Variants in ECM2 observed in about 807,000 individuals in gnomAD.
ECM2 encodes the protein extracellular matrix protein 2, also known as extracellular matrix protein 2, female organ and adipocyte specific.
A neutral mutation model predicts 67.5 loss-of-function variants in ECM2; 57 were observed. The ratio of observed to expected loss-of-function variants is 0.84; its 90% CI spans 0.68 to 1.05. The LOEUF is 1.05. ECM2 is among the 50% of genes least tolerant of loss of function. The pLI, the probability that ECM2 is intolerant of heterozygous loss-of-function variation, is 0.00. For synonymous variants in ECM2, 258 were observed against 294.5 expected, an observed-to-expected ratio of 0.88 and a Z score of 1.27; for missense variants, 741 against 822.8, an observed-to-expected ratio of 0.90 and a Z score of 1.22.
intron 8 of ECM2, among the ~76,000 whole-genome samples, chr9:92,501,952 T>C (rs573976857): frequency 2.0e-5 from 3 of 152,262 alleles, no homozygotes; most frequent in Non-Finnish European, 2.9e-5. Flanking sequence ...AGGCCAAGCA[T>C]TCTTCAGTCT....
chr9:92,514,732 C>T lies in ECM2; in HGVS notation c.953G>A (p.Ser318Asn). 6 of 1,613,546 alleles carry T rather than the reference C, an allele frequency of 3.7e-6. No homozygotes were observed. In the East Asian group the frequency reaches 1.3e-4, roughly 36 times the overall value. ...APPRGTLRLP[S>N]GCSLSYRTIS... ...GGTCCTGTAGGACAGAGAGCACCCGCTTGGCAGGCGCAGTGTGCCTCTGGG... is the reference window on the plus strand; with the variant it reads ...GGTCCTGTAGGACAGAGAGCACCCGTTTGGCAGGCGCAGTGTGCCTCTGGG... The change falls in exon 4 of 10, where the codon AGC (serine) becomes AAC (asparagine). Residue 318 changes from serine to asparagine, a missense_variant. Physicochemically the swap from Ser to Asn is conservative, Grantham distance 46. Coordinates refer to ENST00000344604, the MANE Select transcript of ECM2 (RefSeq NM_001393.4).
At chr9:92,525,886 C>CT (rs1201810226) in intron 1 of ECM2, among the ~76,000 whole-genome samples, 3 of 120,692 alleles carry the variant, frequency 2.5e-5, no homozygotes, top group African/African-American at 9.9e-5. Flanking sequence ...CAGAGAGACT[C>CT]TATCTCCAAA....
chr9:92,530,287 G>T (rs1227186268), intron 1 of ECM2, among the ~76,000 whole-genome samples: 1 of 152,066 alleles, frequency 6.6e-6, no homozygotes, highest in African/African-American at 2.4e-5. Flanking sequence ...TATGGACATT[G>T]GGTGATAATG....
At chr9:92,518,714 C>A (rs1373234987) in intron 2 of ECM2, among the ~76,000 whole-genome samples, 2 of 152,082 alleles carry the variant, frequency 1.3e-5, no homozygotes, top group Admixed American at 6.6e-5. Flanking sequence ...CATGGTGAAA[C>A]CCCATCTCCT....
At chr9:92,525,616 C>T (rs372801878) in intron 1 of ECM2, among the ~76,000 whole-genome samples, 17 of 152,218 alleles carry the variant, frequency 1.1e-4, no homozygotes, top group Non-Finnish European at 1.5e-4. Context: ...ACAGGCTGGG[C>T]GCGGTGGCTC....
intron 7 of ECM2, among the ~76,000 whole-genome samples, chr9:92,504,342 C>T (rs569821694): frequency 1.1e-3 from 162 of 152,156 alleles, no homozygotes; most frequent in Non-Finnish European, 1.9e-3. Context: ...GCCATGACAG[C>T]CACATAAGAT....
rs1321898531 is a variant in ECM2 at position 92,495,902 on chromosome 9, G to GC, written c.*412dup. 1.0e-6 allele frequency: 1 copy of GC among 984,248 alleles called. No homozygotes were observed. Among genetic ancestry groups the GC allele is most frequent in the African/African-American group, 1.7e-5 (1 of 57,174 alleles). 61.0% of individuals were successfully genotyped at this position (984,248 alleles called of 1,614,324 possible). On this transcript the variant is annotated 3_prime_UTR_variant, in exon 10 of 10. Transcript: ENST00000344604. ...CAACACTTATTCATAAATTCTGCCT[G>GC]CTTTTTTTGTTGTCATTATGCTTCT...
intron 9 of ECM2, among the ~76,000 whole-genome samples, chr9:92,497,892 AAG>A (rs1400784839): frequency 1.5e-5 from 2 of 135,382 alleles, no homozygotes; most frequent in African/African-American, 3.0e-5. Context: ...AAAAAAAAAA[AAG>A]AAGTCTGGCA....
the ECM2 span, among the ~76,000 whole-genome samples, chr9:92,547,565 A>C: frequency 6.6e-6 from 1 of 152,252 alleles, no homozygotes; most frequent in Admixed American, 6.5e-5. Context: ...CAGTCACAAA[A>C]GACCACATAT....
chr9:92,529,838 C>T (rs1848639835), intron 1 of ECM2, among the ~76,000 whole-genome samples: 1 of 152,124 alleles, frequency 6.6e-6, no homozygotes, highest in South Asian at 2.1e-4. Flanking sequence ...ATTCTTAGGG[C>T]AGTGAAACTC....
chr9:92,494,190 T>C, downstream of ECM2: 1 of 1,583,488 alleles, frequency 6.3e-7, no homozygotes, highest in Non-Finnish European at 8.6e-7. Flanking sequence ...ATGAATCGTT[T>C]AGTATCTGTC....
chr9:92,547,110 C>CGT, the ECM2 span, among the ~76,000 whole-genome samples: 1 of 152,036 alleles, frequency 6.6e-6, no homozygotes, highest in Non-Finnish European at 1.5e-5. Context: ...GAACTAGCGG[C>CGT]GTAAGTGTAA....
chr9:92,500,339 C>G lies in ECM2; in HGVS notation c.1931+388G>C, dbSNP rs144111152. 7.6e-3 allele frequency among the ~76,000 whole-genome samples: 1,158 copies of G among 152,244 alleles called. 17 individuals carry two copies. Among genetic ancestry groups the G allele is most frequent in the African/African-American group, 0.026 (1,078 of 41,550 alleles). ...CTGGCATTACAGACACGCACCACCA[C>G]GCCCTGCTAAGTTTTGTATTTTTAG... is the stretch of plus-strand genomic sequence containing the variant. On this transcript the variant is annotated intron_variant, in intron 9 of 9. Transcript: ENST00000344604.
upstream of ECM2, among the ~76,000 whole-genome samples, chr9:92,541,126 G>A (rs959516756): frequency 6.6e-6 from 1 of 151,966 alleles, no homozygotes; most frequent in Admixed American, 6.6e-5. Context: ...AGGTGCGGTG[G>A]CGGGTGCCTA....
chr9:92,557,643 C>G, the ECM2 span, among the ~76,000 whole-genome samples: 1 of 151,948 alleles, frequency 6.6e-6, no homozygotes, highest in Admixed American at 6.6e-5. Context: ...TTTCGCATTT[C>G]TTTGTTTGTT....
chr9:92,526,844 A>G (rs973981155), intron 1 of ECM2, among the ~76,000 whole-genome samples: 1 of 152,194 alleles, frequency 6.6e-6, no homozygotes, highest in African/African-American at 2.4e-5. Flanking sequence ...ACAGTAGTGT[A>G]TAGTAATGTC....
At chr9:92,544,968 C>T in the ECM2 span, among the ~76,000 whole-genome samples, 12 of 152,174 alleles carry the variant, frequency 7.9e-5, no homozygotes, top group East Asian at 1.9e-3. Context: ...GTGATCCACC[C>T]GCCTCAGCCC....
chr9:92,540,285 A>C (rs987246671), upstream of ECM2, among the ~76,000 whole-genome samples: 7 of 152,236 alleles, frequency 4.6e-5, no homozygotes, highest in South Asian at 1.2e-3. Flanking sequence ...AAAAATACAA[A>C]AACTTAGCCA....
chr9:92,500,638 C>G, intron 9 of ECM2, 89 bp downstream of exon 9: 1 of 1,342,852 alleles, frequency 7.4e-7, no homozygotes, highest in Non-Finnish European at 1.0e-6. Context: ...TTTCCCTTAA[C>G]GTAAATCCCA....
Sources: allele counts gnomAD v4.1 joint callset (sites outside exome capture counted in the v4.1 genomes callset), GRCh38; gene constraint gnomAD v4.1.1; transcripts MANE v1.5; gene names NCBI Gene and HGNC (gene_info 2026-07-23, HGNC 2026-07-21).